Variants in KCNH1 observed in about 807,000 individuals in gnomAD.
KCNH1 encodes the protein potassium voltage-gated channel subfamily H member 1.
A neutral mutation model predicts 69.2 loss-of-function variants in KCNH1; 27 were observed. The ratio of observed to expected loss-of-function variants is 0.39; its 90% confidence interval spans 0.29 to 0.54. The LOEUF is 0.54. KCNH1 is among the 20% of genes least tolerant of loss of function. KCNH1 has a pLI of 0.68. For missense variants in KCNH1, 798 were observed against 1,261.6 expected, an observed-to-expected ratio of 0.63 and a Z score of 5.57; for synonymous variants, 456 against 487.7, an observed-to-expected ratio of 0.93 and a Z score of 0.86.
At chr1:210,961,013 T>C (rs1352162534) in intron 6 of KCNH1, among the ~76,000 whole-genome samples, 1 of 152,182 alleles carries the variant, frequency 6.6e-6, no homozygotes, top group Admixed American at 6.6e-5. Flanking sequence ...TTTTTTCTTA[T>C]CTCTTGAACA....
At chr1:210,797,187 G>A (rs1359198838) in intron 9 of KCNH1, among the ~76,000 whole-genome samples, 1 of 152,134 alleles carries the variant, frequency 6.6e-6, no homozygotes, top group Non-Finnish European at 1.5e-5. Context: ...GGTACAGGAA[G>A]CCTTCCCACT....
intron 6 of KCNH1, among the ~76,000 whole-genome samples, chr1:210,970,887 A>T (rs1273900711): frequency 1.3e-5 from 2 of 152,164 alleles, no homozygotes; most frequent in Admixed American, 6.5e-5. Flanking sequence ...CAATCTATCC[A>T]TCTGACAAAG....
intron 7 of KCNH1, among the ~76,000 whole-genome samples, chr1:210,893,728 T>C (rs561673369): frequency 1.3e-5 from 2 of 152,238 alleles, no homozygotes; most frequent in East Asian, 3.9e-4. Context: ...CAATTATATG[T>C]ATATTTGCCC....
chr1:211,056,197 G>A lies in KCNH1; in HGVS notation c.558+26583C>T, dbSNP rs115007362. 2.8e-3 allele frequency among the ~76,000 whole-genome samples: 426 copies of A among 152,326 alleles called. 2 individuals are homozygous for A. Among genetic ancestry groups the A allele is most frequent in the African/African-American group, 1.0e-2 (414 of 41,580 alleles). On this transcript the variant is annotated intron_variant, in intron 5 of 10. Coordinates refer to ENST00000271751, the MANE Select transcript of KCNH1 (RefSeq NM_172362.3). ...CCACTGCCCTAAAGGAGAAACTCAG[G>A]ATGGACAGTATTTACCATAAGTTGA...
chr1:210,836,710 G>A (rs1054804281), intron 7 of KCNH1, among the ~76,000 whole-genome samples: 1 of 152,114 alleles, frequency 6.6e-6, no homozygotes, highest in Non-Finnish European at 1.5e-5. Context: ...AGGAGAGAGA[G>A]GTACATGAAT....
At chr1:210,696,694 G>C (rs1310696615) in intron 10 of KCNH1, among the ~76,000 whole-genome samples, 4 of 152,194 alleles carry the variant, frequency 2.6e-5, no homozygotes, top group African/African-American at 9.7e-5. Flanking sequence ...TCAAGGCTTT[G>C]AATTTCTCTC....
rs144977574 is a variant in KCNH1, at chr1:210,914,317, C to T, written c.1462+5323G>A. 2.1e-3 allele frequency among the ~76,000 whole-genome samples: 315 copies of T among 152,248 alleles called. 3 individuals are homozygous for T. In the East Asian group the frequency reaches 0.042, roughly 20 times the overall value. ...AAGTCTCCTAAGAATATCTTTACAG[C>T]CTCCTGGCAATTGTGACCCACATTG... On this transcript the variant is annotated intron_variant, in intron 7 of 10. Transcript: ENST00000271751.
intron 7 of KCNH1, among the ~76,000 whole-genome samples, chr1:210,841,890 T>C (rs1685420868): frequency 6.6e-6 from 1 of 152,104 alleles, no homozygotes; most frequent in East Asian, 1.9e-4. Flanking sequence ...CCATGCACAC[T>C]CTGGAGGGGA....
chr1:210,996,002 T>C (rs1203080388), intron 6 of KCNH1, among the ~76,000 whole-genome samples: 1 of 151,958 alleles, frequency 6.6e-6, no homozygotes, highest in African/African-American at 2.4e-5. Flanking sequence ...TTTTTGAGGG[T>C]GGCAGCCAAG....
At chr1:210,916,053 C>A (rs541570932) in intron 7 of KCNH1, among the ~76,000 whole-genome samples, 34 of 152,166 alleles carry the variant, frequency 2.2e-4, no homozygotes, top group African/African-American at 7.9e-4. Context: ...CAACACCGAG[C>A]CTTTGGTGTA....
At chr1:211,042,237 T>G (rs2102432855) in intron 5 of KCNH1, among the ~76,000 whole-genome samples, 1 of 152,346 alleles carries the variant, frequency 6.6e-6, no homozygotes, top group Middle Eastern at 3.4e-3. Context: ...TTCTTTCTTC[T>G]GTTACTTTCT....
intron 6 of KCNH1, among the ~76,000 whole-genome samples, chr1:210,921,576 C>A (rs761750724): frequency 9.9e-5 from 15 of 152,190 alleles, no homozygotes; most frequent in Admixed American, 6.5e-5. Context: ...TTTCTGGATA[C>A]ACAGTTAAAC....
chr1:211,035,458 C>T (rs1571596312), intron 5 of KCNH1, among the ~76,000 whole-genome samples: 1 of 151,338 alleles, frequency 6.6e-6, no homozygotes, highest in Admixed American at 6.6e-5. Context: ...CCGTTTTAGC[C>T]GGGATGGTCT....
intron 1 of KCNH1, 68 bp from the exon 2 acceptor site, chr1:211,107,445 A>G: frequency 6.8e-7 from 1 of 1,473,486 alleles, no homozygotes; most frequent in Non-Finnish European, 9.3e-7. Flanking sequence ...TTCAATGAGG[A>G]CATAAATAAT....
chr1:210,844,997 C>G (rs1323427420), intron 7 of KCNH1, among the ~76,000 whole-genome samples: 2 of 152,150 alleles, frequency 1.3e-5, no homozygotes, highest in East Asian at 1.9e-4. Context: ...ATAAATTCCT[C>G]GACACATACA....
chr1:211,107,515 C>T (rs988047207), intron 1 of KCNH1, 138 bp from the exon 2 acceptor site: 7 of 857,208 alleles, frequency 8.2e-6, no homozygotes, highest in African/African-American at 1.7e-5. Flanking sequence ...ACAGAAATGT[C>T]GCCCTGTAAG....
At position 210,929,349 on chromosome 1, in the gene KCNH1, C is replaced by T. The variant is rs375868208; in HGVS notation, c.1033-9280G>A. Among the ~76,000 whole-genome samples the T allele has an allele frequency of 2.0e-5, 3 of 152,096 alleles. No individual in the cohort carries two copies. The East Asian group carries it at 5.8e-4, about 29-fold the overall frequency. ...CCACCATGATCAAGTGGGTTTCATA[C>T]CAGGGATGCAGGGATGGTTTAACAT... On this transcript the variant is annotated intron_variant, in intron 6 of 10. Coordinates refer to ENST00000271751, the MANE Select transcript of KCNH1 (RefSeq NM_172362.3).
At chr1:210,985,080 T>C (rs1485506409) in intron 6 of KCNH1, among the ~76,000 whole-genome samples, 1 of 152,234 alleles carries the variant, frequency 6.6e-6, no homozygotes, top group Non-Finnish European at 1.5e-5. Context: ...TAGAGATGTT[T>C]CTAGTATTCT....
At chr1:210,776,566 C>T (rs1254032031) in intron 9 of KCNH1, among the ~76,000 whole-genome samples, 2 of 152,124 alleles carry the variant, frequency 1.3e-5, no homozygotes, top group African/African-American at 2.4e-5. Context: ...CTCTCCTGTG[C>T]TCTTTCTATC....
Sources: gnomAD v4.1 joint callset for allele counts (sites outside exome capture counted in the v4.1 genomes callset) on GRCh38, gnomAD v4.1.1 for gene constraint, MANE v1.5 for transcripts, NCBI Gene and HGNC (gene_info 2026-07-23, HGNC 2026-07-21) for gene names.